Variants in FMN2 observed in about 807,000 individuals in gnomAD.
FMN2 encodes the protein formin-2.
FMN2 carries 51 observed loss-of-function variants against 142.3 expected under a neutral mutation model. The observed-to-expected ratio is 0.36, with a 90% CI of 0.29 to 0.45. FMN2 has a LOEUF of 0.45. Among genes scored for constraint, FMN2 ranks in the 20% least tolerant of loss-of-function variants. The pLI, the probability that FMN2 is intolerant of heterozygous loss-of-function variation, is 1.00. For synonymous variants in FMN2, 882 were observed against 869.8 expected, an observed-to-expected ratio of 1.01 and a Z score of -0.25; for missense variants, 1,936 against 2,122.8, an observed-to-expected ratio of 0.91 and a Z score of 1.73.
chr1:240,303,017 G>C (rs914324629), intron 8 of FMN2, among the ~76,000 whole-genome samples: 1 of 149,318 alleles, frequency 6.7e-6, no homozygotes, highest in Non-Finnish European at 1.5e-5. Context: ...CAAGATATTT[G>C]TTTTTGTTAT....
intron 7 of FMN2, among the ~76,000 whole-genome samples, chr1:240,275,133 A>T (rs1238911093): frequency 6.7e-6 from 1 of 149,758 alleles, no homozygotes; most frequent in Non-Finnish European, 1.5e-5. Context: ...ATACATGTGC[A>T]GAACGTGCAG....
chr1:240,174,635 G>A (rs978296734), intron 2 of FMN2, among the ~76,000 whole-genome samples: 36 of 152,168 alleles, frequency 2.4e-4, no homozygotes, highest in African/African-American at 7.9e-4. Context: ...CAAAGTGCTG[G>A]GATTATAGGC....
At chr1:240,137,769 A>G (rs191740804) in intron 2 of FMN2, among the ~76,000 whole-genome samples, 4 of 152,222 alleles carry the variant, frequency 2.6e-5, no homozygotes, top group African/African-American at 9.6e-5. Context: ...CCCAGTGTAC[A>G]GGAGGAGGAA....
chr1:240,351,180 G>A (rs1672086402), intron 13 of FMN2, among the ~76,000 whole-genome samples: 2 of 152,194 alleles, frequency 1.3e-5, no homozygotes, highest in African/African-American at 2.4e-5. Flanking sequence ...AATGGCACAA[G>A]TATTTGTGTG....
intron 13 of FMN2, chr1:240,341,301 A>G (rs1407329330): frequency 6.6e-6 from 1 of 152,048 alleles, no homozygotes; most frequent in Non-Finnish European, 1.5e-5. Flanking sequence ...CTGTTGTTTC[A>G]TCTGAAATGA....
rs1663349972 is a variant in FMN2, at chr1:240,144,560, T to C, written c.1782+21215T>C. 9 of 1,408,528 alleles carry C rather than the reference T, an allele frequency of 6.4e-6. No homozygotes were observed. In the South Asian group the frequency reaches 1.0e-4, roughly 16 times the overall value. The allele number at this position is 1,408,528 out of a possible 1,614,324, so 87.3% of individuals were successfully genotyped here. A position where few individuals can be genotyped will look rare whatever the true frequency, so the allele number is the denominator to read the frequency against. ...GATGTCTTCTACCAGCTCCATGTCA[T>C]TGCGCATCAGTGCCAATCTCAGAGC... On this transcript the variant is annotated intron_variant, in intron 2 of 17. Coordinates refer to ENST00000319653, the MANE Select transcript of FMN2 (RefSeq NM_020066.5).
At chr1:240,464,404 A>G (rs898366117) in intron 16 of FMN2, among the ~76,000 whole-genome samples, 5 of 152,198 alleles carry the variant, frequency 3.3e-5, no homozygotes. Context: ...TTTTCTTATG[A>G]GTAAATGATC....
intron 6 of FMN2, 44 bp from the exon 7 acceptor site, chr1:240,257,901 A>T (rs749027521): frequency 6.7e-7 from 1 of 1,495,278 alleles, no homozygotes. Flanking sequence ...AGCATATTGG[A>T]GTTCAAATTA....
intron 6 of FMN2, among the ~76,000 whole-genome samples, chr1:240,233,200 G>A (rs1237872976): frequency 6.6e-6 from 1 of 151,976 alleles, no homozygotes; most frequent in African/African-American, 2.4e-5. Context: ...GACCAACATG[G>A]TGAAACCCCG....
chr1:240,219,749 G>C (rs1667036647), intron 6 of FMN2, among the ~76,000 whole-genome samples: 1 of 151,820 alleles, frequency 6.6e-6, no homozygotes, highest in South Asian at 2.1e-4. Flanking sequence ...CGACTTCCCT[G>C]GCTCGAGCAA....
rs531022970 is a variant in FMN2 at position 240,418,678 on chromosome 1, C to A, written c.4911-19383C>A. The stretch of plus-strand genomic sequence containing the variant: ...ATTTGCTGTATGGTCCAAAAGATGG[C>A]CAACGTGTATAAGTATACACAGTGT... On this transcript the variant is annotated intron_variant, in intron 15 of 17. Transcript: ENST00000319653. Among the ~76,000 whole-genome samples the A allele has an allele frequency of 4.6e-5, 7 of 152,268 alleles. No homozygotes were observed. In the East Asian group the frequency reaches 1.3e-3, roughly 29 times the overall value.
chr1:240,261,101 A>G (rs112355572), intron 7 of FMN2, among the ~76,000 whole-genome samples: 2 of 152,190 alleles, frequency 1.3e-5, no homozygotes, highest in African/African-American at 4.8e-5. Context: ...GTTCTGTTTC[A>G]TTGTTCTGTG....
chr1:240,354,695 A>G (rs1399949354), intron 13 of FMN2, among the ~76,000 whole-genome samples: 1 of 152,192 alleles, frequency 6.6e-6, no homozygotes, highest in East Asian at 1.9e-4. Flanking sequence ...CTAGATTCCC[A>G]TGCTTAGATA....
chr1:240,160,893 C>A (rs1664248998), intron 2 of FMN2, among the ~76,000 whole-genome samples: 1 of 151,954 alleles, frequency 6.6e-6, no homozygotes, highest in African/African-American at 2.4e-5. Context: ...TTACTGAACA[C>A]AAAATCAATA....
intron 2 of FMN2, among the ~76,000 whole-genome samples, chr1:240,165,552 A>G (rs1664447072): frequency 6.6e-6 from 1 of 152,054 alleles, no homozygotes; most frequent in South Asian, 2.1e-4. Context: ...ATAACAATCT[A>G]GGATCCCTGT....
rs1179887856 is a variant in FMN2, at chr1:240,207,337, A to T, written c.2525A>T (p.Glu842Val). 6.2e-7 allele frequency: 1 copy of T among 1,613,718 alleles called. No individual in the cohort carries two copies. The highest frequency in any genetic ancestry group is 1.7e-5 in the Admixed American group (1 of 59,984). Residue 842 changes from glutamate (E) to valine (V), a missense_variant, in exon 5 of 18, where the codon GAA becomes GTA. Transcript: ENST00000319653. Reference protein sequence around the residue: ...SISTEFQTSHEHSVSSAFKNS... With the variant: ...SISTEFQTSHVHSVSSAFKNS... ...TCTACCGAGTTTCAAACCAGCCACG[A>T]ACACTCTGTTTCCTCTGCCTTTAAA...
chr1:240,241,529 C>T lies in FMN2; in HGVS notation c.4066-16416C>T, dbSNP rs189146607. Among the ~76,000 whole-genome samples the T allele has an allele frequency of 1.5e-3, 229 of 152,264 alleles. 1 individual carries two copies. Among genetic ancestry groups the T allele is most frequent in the African/African-American group, 5.4e-3 (224 of 41,558 alleles). On this transcript the variant is annotated intron_variant, in intron 6 of 17. Coordinates refer to ENST00000319653, the MANE Select transcript of FMN2 (RefSeq NM_020066.5). ...GGACTTAGCTGACAGGAAATCCCAG[C>T]CTGCCTCTCTGGCTTTGGTCTTTCA...
chr1:240,207,392 T>C lies in FMN2; in HGVS notation c.2580T>C (p.Pro860=), dbSNP rs762718119. ...KNSCNIPSPP[P]LPCTESSSSM... is the part of the protein sequence containing the mutation. The stretch of plus-strand genomic sequence containing the variant: ...GCTGTAACATCCCATCTCCACCACC[T>C]CTGCCTTGCACAGAGTCCTCCAGCT... The change falls in exon 5 of 18, where the codon CCT becomes CCC. Residue 860 remains proline (P), a synonymous_variant. Transcript: ENST00000319653. 2.5e-6 allele frequency: 4 copies of C among 1,613,800 alleles called. No homozygotes were observed. In the Admixed American group the frequency reaches 6.7e-5, roughly 27 times the overall value.
rs549714735 is a variant in FMN2 at position 240,240,386 on chromosome 1, A to T, written c.4066-17559A>T. Among the ~76,000 whole-genome samples the T allele has an allele frequency of 1.1e-4, 17 of 152,308 alleles. 1 individual carries two copies. The South Asian group carries it at 3.5e-3, about 32-fold the overall frequency. ...AAAGCCCTTTATTATGCACCAAATA[A>T]TGTTCTCTGAATACATACTTGCTAC... is the stretch of plus-strand genomic sequence containing the variant. On this transcript the variant is annotated intron_variant, in intron 6 of 17. Transcript: ENST00000319653.
Sources: allele counts gnomAD v4.1 joint callset (sites outside exome capture counted in the v4.1 genomes callset), GRCh38; gene constraint gnomAD v4.1.1; transcripts MANE v1.5; gene names NCBI Gene and HGNC (gene_info 2026-07-23, HGNC 2026-07-21).